Variants in XRCC4 observed in about 807,000 individuals in gnomAD.
The protein encoded by XRCC4 is X-ray repair cross complementing 4, also known as DNA repair protein XRCC4.
In XRCC4, 28 loss-of-function variants were observed where a neutral mutation model predicts 39.1. The ratio of observed to expected loss-of-function variants is 0.72; its 90% CI spans 0.53 to 0.98. The LOEUF (loss-of-function observed/expected upper bound fraction) is 0.98, where lower values mean the gene tolerates loss of function less well. Ranked by LOEUF, XRCC4 falls within the 50% of genes least tolerant of loss-of-function variation. XRCC4 has a pLI of 0.00. For synonymous variants in XRCC4, 123 were observed against 126.4 expected, an observed-to-expected ratio of 0.97 and a Z score of 0.18; for missense variants, 350 against 376.4, an observed-to-expected ratio of 0.93 and a Z score of 0.58.
At chr5:83,208,711 A>G (rs761149643) in intron 6 of XRCC4, among the ~76,000 whole-genome samples, 2 of 152,068 alleles carry the variant, frequency 1.3e-5, no homozygotes, top group Non-Finnish European at 1.5e-5. Flanking sequence ...CTTGGCTAAA[A>G]GGAAATCCCC....
chr5:83,278,492 G>T (rs893715750), intron 7 of XRCC4, among the ~76,000 whole-genome samples: 8 of 152,072 alleles, frequency 5.3e-5, no homozygotes, highest in Non-Finnish European at 1.5e-5. Context: ...CAAGGTTCTG[G>T]CATTGTGTCT....
intron 6 of XRCC4, among the ~76,000 whole-genome samples, chr5:83,231,610 A>T (rs1184571598): frequency 6.6e-6 from 1 of 152,108 alleles, no homozygotes; most frequent in Non-Finnish European, 1.5e-5. Flanking sequence ...ATCTGGCATA[A>T]CATCAGGACT....
At chr5:83,100,351 A>T (rs1745872707) in intron 1 of XRCC4, among the ~76,000 whole-genome samples, 2 of 152,160 alleles carry the variant, frequency 1.3e-5, no homozygotes, top group South Asian at 4.1e-4. Flanking sequence ...ACTGATCCCC[A>T]GATGTCTTTT....
At chr5:83,153,304 G>A (rs1384163724) in intron 3 of XRCC4, among the ~76,000 whole-genome samples, 2 of 151,732 alleles carry the variant, frequency 1.3e-5, no homozygotes, top group African/African-American at 4.8e-5. Flanking sequence ...CGCCTCCCGA[G>A]TTCAAGCAAT....
chr5:83,213,273 A>C (rs1162344316), intron 6 of XRCC4, among the ~76,000 whole-genome samples: 2 of 152,148 alleles, frequency 1.3e-5, no homozygotes, highest in Admixed American at 6.5e-5. Context: ...ACAACATGAA[A>C]TGATAACATG....
the XRCC4 span, among the ~76,000 whole-genome samples, chr5:83,364,401 G>C: frequency 6.6e-6 from 1 of 151,978 alleles, no homozygotes; most frequent in African/African-American, 2.4e-5. Flanking sequence ...CCACCTCCCT[G>C]ATGATTTTTG....
intron 4 of XRCC4, among the ~76,000 whole-genome samples, chr5:83,202,417 C>T (rs1479389892): frequency 6.6e-6 from 1 of 152,034 alleles, no homozygotes. Context: ...GAAATTGGTC[C>T]CAGAGAATAT....
intron 7 of XRCC4, among the ~76,000 whole-genome samples, chr5:83,262,933 G>A (rs532146234): frequency 8.1e-4 from 118 of 146,136 alleles, no homozygotes; most frequent in African/African-American, 2.2e-3. Context: ...ATGCTGGTGC[G>A]CTGCACCCAC....
At chr5:83,265,687 CT>C (rs1265016857) in intron 7 of XRCC4, among the ~76,000 whole-genome samples, 1 of 151,868 alleles carries the variant, frequency 6.6e-6, no homozygotes, top group African/African-American at 2.4e-5. Flanking sequence ...AGGACAAAAA[CT>C]TTTTTTTAAT....
At chr5:83,336,151 A>T (rs776328589) in intron 7 of XRCC4, among the ~76,000 whole-genome samples, 1 of 152,112 alleles carries the variant, frequency 6.6e-6, no homozygotes, top group Non-Finnish European at 1.5e-5. Flanking sequence ...GCCATTTAAA[A>T]CATTAAGATT....
At chr5:83,373,471 GAAC>G in the XRCC4 span, among the ~76,000 whole-genome samples, 2 of 152,066 alleles carry the variant, frequency 1.3e-5, no homozygotes, top group Non-Finnish European at 2.9e-5. Context: ...TTGTCTAACT[GAAC>G]AATAGAAATG....
At chr5:83,163,591 T>C (rs1749321759) in intron 3 of XRCC4, among the ~76,000 whole-genome samples, 1 of 152,210 alleles carries the variant, frequency 6.6e-6, no homozygotes. Context: ...AACAGATTCC[T>C]GGTATTTATG....
chr5:83,351,693 C>T (rs745544426), intron 7 of XRCC4, among the ~76,000 whole-genome samples: 3 of 152,082 alleles, frequency 2.0e-5, no homozygotes, highest in Non-Finnish European at 4.4e-5. Context: ...TGCATTAATG[C>T]CTAGCACCTT....
intron 7 of XRCC4, among the ~76,000 whole-genome samples, chr5:83,310,344 A>G (rs1429547748): frequency 6.6e-6 from 1 of 152,198 alleles, no homozygotes; most frequent in East Asian, 1.9e-4. Context: ...TCGAGGCTTG[A>G]TTGGCTCCAG....
In XRCC4 at chr5:83,222,126, G is replaced by A. The variant is rs564048499; in HGVS notation, c.745+17205G>A. ...TTGTTTTTTAAATCTGATAATCTTT[G>A]TATTTTGATTGGAGTATTTATTCCA... On this transcript the variant is annotated intron_variant, in intron 6 of 7. Coordinates refer to ENST00000396027, the MANE Select transcript of XRCC4 (RefSeq NM_003401.5). 4.6e-5 allele frequency among the ~76,000 whole-genome samples: 7 copies of A among 151,646 alleles called. No individual in the cohort carries two copies. In the South Asian group the frequency reaches 1.5e-3, roughly 32 times the overall value.
chr5:83,189,646 T>C (rs990551235), intron 3 of XRCC4, among the ~76,000 whole-genome samples: 25 of 152,092 alleles, frequency 1.6e-4, no homozygotes, highest in African/African-American at 5.3e-4. Context: ...TTAGAAGGAG[T>C]CCTTATCAGT....
intron 6 of XRCC4, among the ~76,000 whole-genome samples, chr5:83,223,116 A>T (rs1752151063): frequency 6.6e-6 from 1 of 152,106 alleles, no homozygotes; most frequent in Admixed American, 6.5e-5. Context: ...ATCCTGGAAG[A>T]TATTCCATGT....
At chr5:83,268,551 A>T (rs1269422469) in intron 7 of XRCC4, among the ~76,000 whole-genome samples, 1 of 152,156 alleles carries the variant, frequency 6.6e-6, no homozygotes, top group Non-Finnish European at 1.5e-5. Context: ...AAGAAGGGTT[A>T]CTCAGGAAGG....
chr5:83,254,089 T>TG, intron 6 of XRCC4, among the ~76,000 whole-genome samples: 1 of 150,610 alleles, frequency 6.6e-6, no homozygotes, highest in East Asian at 1.9e-4. Flanking sequence ...TTGTTTTTTT[T>TG]TTTTTCTTTT....
Sources: allele counts gnomAD v4.1 joint callset (sites outside exome capture counted in the v4.1 genomes callset), GRCh38; gene constraint gnomAD v4.1.1; transcripts MANE v1.5; gene names NCBI Gene and HGNC (gene_info 2026-07-23, HGNC 2026-07-21).